SBF2: variants seen among roughly 807,000 people sequenced by gnomAD.
The protein encoded by SBF2 is SET binding factor 2.
In SBF2, 112 loss-of-function variants were observed where a neutral mutation model predicts 225.2. The observed-to-expected ratio is 0.50, with a 90% confidence interval of 0.43 to 0.58. The LOEUF is 0.58. Ranked by LOEUF, SBF2 falls within the 20% of genes least tolerant of loss-of-function variation. The pLI is 0.00. For missense variants in SBF2, 1,996 were observed against 2,206.2 expected, an observed-to-expected ratio of 0.90 and a Z score of 1.91; for synonymous variants, 763 against 773.3, an observed-to-expected ratio of 0.99 and a Z score of 0.22.
rs367955902 is a variant in SBF2, at chr11:9,832,209, T to C, written c.3652+15A>G. 1.1e-4 allele frequency: 182 copies of C among 1,609,106 alleles called. 1 individual carries two copies. In the South Asian group the frequency reaches 1.3e-3, roughly 11 times the overall value. On this transcript the variant is annotated intron_variant, in intron 27 of 39. Transcript: ENST00000256190. ...ATGTGAACGGGTGGTAATTGTGTTA[T>C]AGAGAGATGCTTACCGGCCTGAGGG...
At chr11:9,807,884 G>A (rs942630213) in intron 32 of SBF2, 116 bp downstream of exon 32, 3 of 914,426 alleles carry the variant, frequency 3.3e-6, no homozygotes, top group East Asian at 5.1e-5. Flanking sequence ...TCCTGTGGCT[G>A]AGTTAATCAG....
intron 2 of SBF2, among the ~76,000 whole-genome samples, chr11:10,071,645 CTCT>C (rs992391407): frequency 1.1e-4 from 16 of 152,128 alleles, no homozygotes; most frequent in African/African-American, 3.9e-4. Flanking sequence ...TCATAAACAG[CTCT>C]TATTATTTTG....
At chr11:9,823,075 C>T (rs1854865824) in intron 28 of SBF2, among the ~76,000 whole-genome samples, 1 of 152,132 alleles carries the variant, frequency 6.6e-6, no homozygotes, top group South Asian at 2.1e-4. Flanking sequence ...ATATACCCAG[C>T]TATTATATTT....
chr11:9,830,551 C>T (rs1266328367), intron 27 of SBF2, among the ~76,000 whole-genome samples: 1 of 152,000 alleles, frequency 6.6e-6, no homozygotes, highest in Non-Finnish European at 1.5e-5. Context: ...ACCAGCCTGA[C>T]TAACATGGTG....
At chr11:10,161,184 C>CAAAAAAAAAA (rs56779207) in intron 2 of SBF2, among the ~76,000 whole-genome samples, 1 of 75,348 alleles carries the variant, frequency 1.3e-5, no homozygotes, top group African/African-American at 5.3e-5. Flanking sequence ...GACTCTGTCT[C>CAAAAAAAAAA]AAAAAAAAAA....
chr11:9,847,257 G>T (rs1856614758), intron 22 of SBF2, among the ~76,000 whole-genome samples, 174 bp from the exon 23 acceptor site: 1 of 152,128 alleles, frequency 6.6e-6, no homozygotes, highest in Non-Finnish European at 1.5e-5. Flanking sequence ...TCTCAGGAGT[G>T]GCAAGTGACT....
intron 22 of SBF2, among the ~76,000 whole-genome samples, chr11:9,847,918 C>A (rs1307815037): frequency 6.6e-6 from 1 of 152,076 alleles, no homozygotes; most frequent in Admixed American, 6.6e-5. Context: ...AGGATCTCTG[C>A]ATGCTAGCTG....
At chr11:10,086,095 G>A (rs910735387) in intron 2 of SBF2, among the ~76,000 whole-genome samples, 7 of 151,422 alleles carry the variant, frequency 4.6e-5, no homozygotes, top group Non-Finnish European at 1.5e-5. Context: ...AAGTGCTGGT[G>A]TGCTCTGTCA....
chr11:10,212,383 T>C (rs1028480851), intron 1 of SBF2, among the ~76,000 whole-genome samples: 6 of 152,208 alleles, frequency 3.9e-5, no homozygotes, highest in Admixed American at 6.5e-5. Flanking sequence ...GGTTTCAGTA[T>C]TTGTCTTCTG....
intron 14 of SBF2, among the ~76,000 whole-genome samples, chr11:9,967,541 C>G (rs1440163510): frequency 6.6e-6 from 1 of 152,112 alleles, no homozygotes; most frequent in East Asian, 1.9e-4. Flanking sequence ...AAGTAGATTA[C>G]TGTATAAGGC....
In SBF2 at chr11:10,211,014, CA is replaced by C. The variant is rs1230619092; in HGVS notation, c.56-17028del. Among the ~76,000 whole-genome samples the C allele has an allele frequency of 2.2e-3, 72 of 33,060 alleles. 1 individual carries two copies. The highest frequency in any genetic ancestry group is 7.8e-3 in the South Asian group (4 of 516). The allele number at this position is 33,060 out of a possible 152,430, so 21.7% of individuals were successfully genotyped here. A position where few individuals can be genotyped will look rare whatever the true frequency, so the allele number is the denominator to read the frequency against. The stretch of plus-strand genomic sequence containing the variant: ...GGCGACAAGAGCAAGACTCTTGACT[CA>C]AAAAAAAAAAAAAAAAAAAAGAGCC... On this transcript the variant is annotated intron_variant, in intron 1 of 39. Transcript: ENST00000256190.
intron 1 of SBF2, among the ~76,000 whole-genome samples, chr11:10,227,951 G>C (rs1241204520): frequency 4.0e-5 from 6 of 151,440 alleles, no homozygotes. Flanking sequence ...TCCTACCCAT[G>C]AGCATGGAAT....
chr11:10,048,946 C>T (rs1590836459), intron 2 of SBF2, among the ~76,000 whole-genome samples: 1 of 152,128 alleles, frequency 6.6e-6, no homozygotes, highest in East Asian at 1.9e-4. Context: ...CTGTAACTAA[C>T]CTTTAAGAAA....
intron 17 of SBF2, among the ~76,000 whole-genome samples, chr11:9,873,920 GC>G (rs144823281): frequency 0.069 from 10,545 of 152,044 alleles, 561 homozygotes; most frequent in East Asian, 0.27. Flanking sequence ...CTGGTGGCAG[GC>G]GCATGTAATC....
At chr11:10,206,806 A>G (rs61892593) in intron 1 of SBF2, among the ~76,000 whole-genome samples, 16,191 of 151,904 alleles carry the variant, frequency 0.11, 1,072 homozygotes, top group Non-Finnish European at 0.11. Context: ...CAACGGAGAG[A>G]AAACAAATTA....
At chr11:9,992,126 G>A (rs899601256) in intron 12 of SBF2, among the ~76,000 whole-genome samples, 7 of 151,942 alleles carry the variant, frequency 4.6e-5, no homozygotes, top group Admixed American at 3.3e-4. Context: ...ACATAGTGGC[G>A]AATTCTGAGA....
At chr11:10,146,621 T>G (rs999212558) in intron 2 of SBF2, among the ~76,000 whole-genome samples, 5 of 152,128 alleles carry the variant, frequency 3.3e-5, no homozygotes, top group Admixed American at 3.3e-4. Flanking sequence ...ATAAAAACCC[T>G]GGAAGACAAC....
At chr11:9,876,275 C>G (rs1236448591) in intron 17 of SBF2, among the ~76,000 whole-genome samples, 3 of 152,210 alleles carry the variant, frequency 2.0e-5, no homozygotes, top group Non-Finnish European at 4.4e-5. Context: ...AAAATCCATT[C>G]TCCAAGGGCC....
chr11:10,174,587 G>T (rs1194431834), intron 2 of SBF2, among the ~76,000 whole-genome samples: 2 of 152,212 alleles, frequency 1.3e-5, no homozygotes, highest in Non-Finnish European at 2.9e-5. Context: ...AAAACACTCT[G>T]CAGGATATCA....
Sources: allele counts gnomAD v4.1 joint callset (sites outside exome capture counted in the v4.1 genomes callset), GRCh38; gene constraint gnomAD v4.1.1; transcripts MANE v1.5; gene names NCBI Gene and HGNC (gene_info 2026-07-23, HGNC 2026-07-21).